Variants in NPAS3 observed in about 807,000 individuals in gnomAD.
NPAS3 encodes neuronal PAS domain protein 3.
Under a neutral mutation model 73.1 loss-of-function variants are expected in NPAS3, and 14 were observed. The ratio of observed to expected loss-of-function variants is 0.19; its 90% confidence interval spans 0.13 to 0.30. The LOEUF (loss-of-function observed/expected upper bound fraction) is 0.30, where lower values mean the gene tolerates loss of function less well. Ranked by LOEUF, NPAS3 falls within the 10% of genes least tolerant of loss-of-function variation. NPAS3 has a pLI of 1.00. For missense variants in NPAS3, 1,096 were observed against 1,250.0 expected, an observed-to-expected ratio of 0.88 and a Z score of 1.86; for synonymous variants, 620 against 541.5, an observed-to-expected ratio of 1.14 and a Z score of -2.01.
At chr14:33,779,671 C>T (rs974367494) in intron 9 of NPAS3, among the ~76,000 whole-genome samples, 3 of 152,144 alleles carry the variant, frequency 2.0e-5, no homozygotes, top group Non-Finnish European at 4.4e-5. Context: ...ACATGCTGTA[C>T]AGCTTTTGGT....
intron 2 of NPAS3, among the ~76,000 whole-genome samples, chr14:33,076,247 A>C (rs1487238947): frequency 1.5e-4 from 23 of 152,218 alleles, no homozygotes; most frequent in Admixed American, 1.5e-3. Context: ...AGCGTGTTGC[A>C]TGGGAAATTC....
chr14:33,367,663 T>G lies in NPAS3; in HGVS notation c.468+395T>G, dbSNP rs541176202. On this transcript the variant is annotated intron_variant, in intron 4 of 11. Coordinates refer to ENST00000356141, the Ensembl canonical transcript of NPAS3. ...GTTGTGAAAGTACTGTGATTTTTTT[T>G]TTTTTGTGTCGCCAAATTTCAGTTC... 1.5e-3 allele frequency among the ~76,000 whole-genome samples: 230 copies of G among 152,096 alleles called. 1 individual carries two copies. Among genetic ancestry groups the G allele is most frequent in the African/African-American group, 4.9e-3 (205 of 41,494 alleles).
At chr14:33,369,498 A>G (rs187035513) in intron 4 of NPAS3, among the ~76,000 whole-genome samples, 2 of 151,354 alleles carry the variant, frequency 1.3e-5, no homozygotes, top group African/African-American at 4.8e-5. Flanking sequence ...TAGAATGTTT[A>G]CATTATGTCC....
At chr14:33,744,167 A>G (rs1051033775) in intron 7 of NPAS3, among the ~76,000 whole-genome samples, 2 of 152,176 alleles carry the variant, frequency 1.3e-5, no homozygotes, top group Admixed American at 1.3e-4. Flanking sequence ...TCAGCTTTCA[A>G]TATGCCTTAT....
At chr14:33,248,667 A>C (rs1377376791) in intron 3 of NPAS3, among the ~76,000 whole-genome samples, 1 of 152,170 alleles carries the variant, frequency 6.6e-6, no homozygotes, top group Non-Finnish European at 1.5e-5. Flanking sequence ...GGTTTCATGT[A>C]TTAAGAGTAA....
chr14:33,685,172 C>T (rs777984170), intron 6 of NPAS3, among the ~76,000 whole-genome samples: 2 of 152,106 alleles, frequency 1.3e-5, no homozygotes, highest in Non-Finnish European at 2.9e-5. Context: ...AGGCTCCCCA[C>T]CTCCCAGGAG....
intron 6 of NPAS3, among the ~76,000 whole-genome samples, chr14:33,719,823 C>G (rs879884569): frequency 6.6e-6 from 1 of 152,142 alleles, no homozygotes; most frequent in Admixed American, 6.5e-5. Flanking sequence ...TGCTAAAGGT[C>G]TTCTTTCCAT....
chr14:33,034,804 G>T (rs1236575991), intron 1 of NPAS3, among the ~76,000 whole-genome samples: 1 of 152,056 alleles, frequency 6.6e-6, no homozygotes, highest in African/African-American at 2.4e-5. Flanking sequence ...GAAAACTGGG[G>T]CAAGGAGAGG....
intron 4 of NPAS3, among the ~76,000 whole-genome samples, chr14:33,391,858 C>T (rs1458558846): frequency 6.6e-5 from 10 of 152,070 alleles, no homozygotes; most frequent in Admixed American, 5.2e-4. Context: ...AGATCAAACT[C>T]CCAGATATAC....
intron 6 of NPAS3, among the ~76,000 whole-genome samples, chr14:33,710,422 A>G (rs907084622): frequency 7.2e-5 from 11 of 152,202 alleles, no homozygotes; most frequent in African/African-American, 2.7e-4. Context: ...TGAACCACAT[A>G]GCTTCTTATC....
chr14:33,703,188 T>C (rs1566444257), intron 6 of NPAS3, among the ~76,000 whole-genome samples: 1 of 152,114 alleles, frequency 6.6e-6, no homozygotes, highest in Non-Finnish European at 1.5e-5. Context: ...AATAGCGTTA[T>C]GATATTAAAT....
intron 5 of NPAS3, among the ~76,000 whole-genome samples, chr14:33,639,726 T>C (rs1375157748): frequency 6.6e-6 from 1 of 152,214 alleles, no homozygotes; most frequent in African/African-American, 2.4e-5. Flanking sequence ...ATTTATTCTT[T>C]ATGAATCTGC....
chr14:33,440,512 C>A (rs1020679452), intron 4 of NPAS3, among the ~76,000 whole-genome samples: 1 of 152,190 alleles, frequency 6.6e-6, no homozygotes, highest in African/African-American at 2.4e-5. Context: ...TAGTTAACTT[C>A]ACAAATTTGT....
intron 4 of NPAS3, among the ~76,000 whole-genome samples, chr14:33,461,385 T>C (rs2050258267): frequency 6.6e-6 from 1 of 152,208 alleles, no homozygotes; most frequent in Non-Finnish European, 1.5e-5. Context: ...AATAAGATAG[T>C]TTTATCCTGG....
intron 3 of NPAS3, among the ~76,000 whole-genome samples, chr14:33,325,554 G>A (rs935145121): frequency 2.5e-4 from 38 of 151,124 alleles, no homozygotes; most frequent in Admixed American, 2.5e-3. Context: ...GCCAAGGCAG[G>A]AGAATCACTT....
intron 1 of NPAS3, among the ~76,000 whole-genome samples, chr14:32,969,264 C>T (rs952872429): frequency 8.5e-5 from 13 of 152,106 alleles, no homozygotes; most frequent in African/African-American, 2.4e-4. Context: ...GCTGTAGTCT[C>T]TTAGAACCTA....
At chr14:33,793,559 A>G (rs1004163147) in intron 9 of NPAS3, among the ~76,000 whole-genome samples, 2 of 152,186 alleles carry the variant, frequency 1.3e-5, no homozygotes, top group African/African-American at 4.8e-5. Context: ...CTTTCTTACC[A>G]TCTGATGTCA....
intron 7 of NPAS3, among the ~76,000 whole-genome samples, chr14:33,754,909 G>A (rs576290890): frequency 1.3e-5 from 2 of 152,138 alleles, no homozygotes; most frequent in African/African-American, 2.4e-5. Context: ...ATGCCATGAC[G>A]TGTCTCATAG....
chr14:32,935,193 G>C (rs1045961322), upstream of NPAS3, among the ~76,000 whole-genome samples: 2 of 152,220 alleles, frequency 1.3e-5, no homozygotes, highest in African/African-American at 4.8e-5. Flanking sequence ...ACTCCAGTGC[G>C]CTGGCGAAGT....
Sources: gnomAD v4.1 joint callset for allele counts (sites outside exome capture counted in the v4.1 genomes callset) on GRCh38, gnomAD v4.1.1 for gene constraint, MANE v1.5 for transcripts, NCBI Gene and HGNC (gene_info 2026-07-23, HGNC 2026-07-21) for gene names.